ASTN2: variants seen among roughly 807,000 people sequenced by gnomAD.
The protein encoded by ASTN2 is astrotactin 2, also known as astrotactin-2.
ASTN2 carries 54 observed loss-of-function variants against 139.8 expected under a neutral mutation model. That is an observed-to-expected ratio of 0.39 (90% CI 0.31 to 0.48). The LOEUF (loss-of-function observed/expected upper bound fraction) is 0.48, where lower values mean the gene tolerates loss of function less well. ASTN2 is among the 20% of genes least tolerant of loss of function. The pLI is 0.95. For missense variants in ASTN2, 1,565 were observed against 1,725.1 expected (o/e 0.91, Z 1.64); for synonymous variants, 756 against 719.5 (o/e 1.05, Z -0.81).
intron 16 of ASTN2, among the ~76,000 whole-genome samples, chr9:116,652,029 C>T (rs1857945374): frequency 6.6e-6 from 1 of 152,046 alleles, no homozygotes; most frequent in Non-Finnish European, 1.5e-5. Context: ...TTGTCTGGCC[C>T]TCATTTTTCC....
At chr9:116,480,893 C>A (rs182943453) in intron 20 of ASTN2, among the ~76,000 whole-genome samples, 1 of 152,278 alleles carries the variant, frequency 6.6e-6, no homozygotes, top group East Asian at 1.9e-4. Context: ...ATGGTGTCAG[C>A]AGAGGCCATC....
intron 12 of ASTN2, among the ~76,000 whole-genome samples, chr9:116,807,841 G>C (rs938520486): frequency 1.3e-5 from 2 of 152,178 alleles, no homozygotes; most frequent in Non-Finnish European, 2.9e-5. Context: ...GCAGGGCGCA[G>C]TGGCTCACGC....
intron 17 of ASTN2, among the ~76,000 whole-genome samples, chr9:116,629,995 G>C (rs183042506): frequency 2.6e-5 from 4 of 152,100 alleles, no homozygotes; most frequent in Non-Finnish European, 5.9e-5. Flanking sequence ...CCATATTTCA[G>C]CTCCCATCTA....
intron 16 of ASTN2, among the ~76,000 whole-genome samples, chr9:116,674,793 C>T (rs1224492470): frequency 6.6e-6 from 1 of 152,166 alleles, no homozygotes; most frequent in African/African-American, 2.4e-5. Flanking sequence ...AAGGAGACAG[C>T]TTCAACTCCC....
chr9:117,024,409 T>A (rs1837990827), intron 6 of ASTN2, among the ~76,000 whole-genome samples: 1 of 142,620 alleles, frequency 7.0e-6, no homozygotes, highest in South Asian at 2.4e-4. Context: ...CAGAATTGTT[T>A]TTTTTTAAAA....
rs7851763 is a variant in ASTN2 at position 117,006,043 on chromosome 9, C to G, written c.1591+2049G>C. 9.8e-3 allele frequency among the ~76,000 whole-genome samples: 1,487 copies of G among 152,232 alleles called. 24 individuals are homozygous for G. Among genetic ancestry groups the G allele is most frequent in the African/African-American group, 0.034 (1,415 of 41,548 alleles). ...CACCAAGGGTGGCAGCCAGTGTAAT[C>G]AAACTTCCTGTGTGAGGGACTCCTG... is the stretch of plus-strand genomic sequence containing the variant. On this transcript the variant is annotated intron_variant, in intron 7 of 22. Coordinates refer to ENST00000313400, the MANE Select transcript of ASTN2 (RefSeq NM_001365068.1).
At chr9:117,085,158 C>T (rs2132731735) in intron 5 of ASTN2, among the ~76,000 whole-genome samples, 1 of 152,238 alleles carries the variant, frequency 6.6e-6, no homozygotes, top group East Asian at 1.9e-4. Context: ...TTGCTTTGTG[C>T]CTGCCCTCCA....
At chr9:116,989,865 T>G (rs1032062211) in intron 7 of ASTN2, among the ~76,000 whole-genome samples, 1 of 152,182 alleles carries the variant, frequency 6.6e-6, no homozygotes, top group Non-Finnish European at 1.5e-5. Flanking sequence ...ATTACAGGCT[T>G]CTGCTTTATG....
chr9:116,600,560 C>T (rs1229135791), intron 19 of ASTN2, among the ~76,000 whole-genome samples: 1 of 152,140 alleles, frequency 6.6e-6, no homozygotes, highest in East Asian at 1.9e-4. Context: ...TTATCCTCAA[C>T]TCCCTCATCT....
intron 13 of ASTN2, among the ~76,000 whole-genome samples, chr9:116,745,846 G>A (rs1044128212): frequency 6.6e-6 from 1 of 152,136 alleles, no homozygotes; most frequent in African/African-American, 2.4e-5. Context: ...TATTGCAGCT[G>A]TAAAACATCA....
At chr9:116,529,176 T>C (rs1464935555) in intron 19 of ASTN2, among the ~76,000 whole-genome samples, 5 of 152,122 alleles carry the variant, frequency 3.3e-5, no homozygotes, top group Non-Finnish European at 7.4e-5. Flanking sequence ...CCTGTGAAAG[T>C]AGCCATGGGG....
Position 116,618,106 on chromosome 9 carries a change from A to C in ASTN2, c.3355+218T>G, listed in dbSNP as rs1855943407. On this transcript the variant is annotated intron_variant, in intron 19 of 22. Coordinates refer to ENST00000313400, the MANE Select transcript of ASTN2 (RefSeq NM_001365068.1). ...ACATAATATTTTGAAGGTCCAACTC[A>C]GAGAATCAGACACTCTTTCTAACTG... Among the ~76,000 whole-genome samples the C allele has an allele frequency of 2.0e-5, 3 of 152,206 alleles. No individual in the cohort carries two copies. In the South Asian group the frequency reaches 6.2e-4, roughly 31 times the overall value.
chr9:116,473,458 A>C (rs1848880788), intron 20 of ASTN2, among the ~76,000 whole-genome samples: 1 of 152,216 alleles, frequency 6.6e-6, no homozygotes, highest in Non-Finnish European at 1.5e-5. Context: ...ATGATGGGGG[A>C]AAACAATCCA....
intron 10 of ASTN2, among the ~76,000 whole-genome samples, chr9:116,921,903 A>G (rs1834623448): frequency 6.6e-6 from 1 of 152,182 alleles, no homozygotes; most frequent in Admixed American, 6.5e-5. Context: ...GGGAATTAAA[A>G]TTCAAGATGA....
chr9:117,265,467 A>G (rs1299104934), intron 2 of ASTN2, among the ~76,000 whole-genome samples: 2 of 152,198 alleles, frequency 1.3e-5, no homozygotes, highest in Non-Finnish European at 2.9e-5. Context: ...GAGCTGCCAA[A>G]GAACCTCTAG....
intron 4 of ASTN2, among the ~76,000 whole-genome samples, chr9:117,118,982 C>T (rs569348557): frequency 2.2e-4 from 34 of 152,310 alleles, no homozygotes; most frequent in African/African-American, 7.9e-4. Flanking sequence ...GTCATATCTA[C>T]GTTTATTGCC....
At chr9:116,648,123 T>C (rs1301484408) in intron 17 of ASTN2, among the ~76,000 whole-genome samples, 2 of 151,926 alleles carry the variant, frequency 1.3e-5, no homozygotes, top group East Asian at 1.9e-4. Flanking sequence ...TGCCTCAGCC[T>C]CCTGAGTAGC....
intron 19 of ASTN2, among the ~76,000 whole-genome samples, chr9:116,600,316 C>A (rs1383001578): frequency 1.7e-5 from 2 of 119,030 alleles, no homozygotes; most frequent in Non-Finnish European, 3.4e-5. Context: ...AGAATGAGAC[C>A]CTGTCTCAAA....
intron 22 of ASTN2, among the ~76,000 whole-genome samples, chr9:116,427,417 T>C (rs910668700): frequency 1.3e-5 from 2 of 152,226 alleles, no homozygotes; most frequent in African/African-American, 2.4e-5. Flanking sequence ...AGAGAAGGAA[T>C]AGAATATCTT....
Sources: allele counts gnomAD v4.1 joint callset (sites outside exome capture counted in the v4.1 genomes callset), GRCh38; gene constraint gnomAD v4.1.1; transcripts MANE v1.5; gene names NCBI Gene and HGNC (gene_info 2026-07-23, HGNC 2026-07-21).